The following ADK variants were observed in gnomAD, a reference collection of about 807,000 sequenced individuals.
ADK encodes the protein adenosine kinase, also known as N6,N6-dimethyladenosine kinase.
In ADK, 24 loss-of-function variants were observed where a neutral mutation model predicts 44.7. The ratio of observed to expected loss-of-function variants is 0.54; its 90% confidence interval spans 0.39 to 0.76. ADK has a LOEUF of 0.76. ADK is among the 30% of genes least tolerant of loss of function. The probability of loss-of-function intolerance (pLI) is 0.00; values close to 1 mark genes in which losing one functional copy is unlikely to be tolerated. For missense variants in ADK, 321 were observed against 425.1 expected (o/e 0.76, Z 2.15); for synonymous variants, 128 against 142.6 (o/e 0.90, Z 0.73).
chr10:74,497,898 T>C (rs1002605600), intron 6 of ADK, among the ~76,000 whole-genome samples: 3 of 151,408 alleles, frequency 2.0e-5, no homozygotes, highest in African/African-American at 7.3e-5. Flanking sequence ...TTTTTTTTTT[T>C]CTTTTTTTTG....
chr10:74,317,222 T>C (rs1400989608), intron 4 of ADK, among the ~76,000 whole-genome samples: 1 of 152,198 alleles, frequency 6.6e-6, no homozygotes, highest in Non-Finnish European at 1.5e-5. Flanking sequence ...ATGTAAATTT[T>C]GGTAAATTTC....
intron 6 of ADK, among the ~76,000 whole-genome samples, chr10:74,445,172 A>T (rs1255259148): frequency 6.6e-6 from 1 of 152,000 alleles, no homozygotes; most frequent in East Asian, 1.9e-4. Flanking sequence ...ATTCTCAAAC[A>T]AAATTTATAG....
At chr10:74,456,666 C>CA (rs71024510) in intron 6 of ADK, among the ~76,000 whole-genome samples, 2,946 of 62,116 alleles carry the variant, frequency 0.047, 95 homozygotes, top group African/African-American at 0.092. Context: ...GACTCCATCT[C>CA]AAAAAAAAAA....
At chr10:74,676,423 C>T (rs192210998) in intron 10 of ADK, among the ~76,000 whole-genome samples, 32 of 152,232 alleles carry the variant, frequency 2.1e-4, no homozygotes, top group African/African-American at 5.8e-4. Flanking sequence ...AGCCACTGCA[C>T]CTGGCCAGAA....
chr10:74,572,965 G>A (rs1490439000), intron 7 of ADK, among the ~76,000 whole-genome samples: 23 of 152,064 alleles, frequency 1.5e-4, no homozygotes, highest in East Asian at 1.9e-4. Context: ...CCTGTAGCTC[G>A]GAGTAGTTTG....
At chr10:74,688,990 C>T (rs904903342) in intron 10 of ADK, among the ~76,000 whole-genome samples, 1 of 151,916 alleles carries the variant, frequency 6.6e-6, no homozygotes, top group African/African-American at 2.4e-5. Context: ...TGGTGGCTCA[C>T]GCCTGTAATC....
At chr10:74,250,431 A>T (rs1845604734) in intron 3 of ADK, among the ~76,000 whole-genome samples, 1 of 152,174 alleles carries the variant, frequency 6.6e-6, no homozygotes. Context: ...TGGGTAAAAC[A>T]CTGGGTATGT....
At chr10:74,264,127 T>A (rs979477796) in intron 3 of ADK, among the ~76,000 whole-genome samples, 2 of 152,246 alleles carry the variant, frequency 1.3e-5, no homozygotes, top group Non-Finnish European at 2.9e-5. Context: ...ATATTGTGGA[T>A]ATGGAATCAT....
intron 4 of ADK, among the ~76,000 whole-genome samples, chr10:74,354,655 A>G (rs1403011671): frequency 1.3e-5 from 2 of 152,162 alleles, no homozygotes; most frequent in East Asian, 1.9e-4. Flanking sequence ...GTGGGAACTC[A>G]TGATGTGAAG....
chr10:74,584,567 G>C (rs1464994557), intron 7 of ADK, among the ~76,000 whole-genome samples: 1 of 152,070 alleles, frequency 6.6e-6, no homozygotes, highest in African/African-American at 2.4e-5. Flanking sequence ...TTATTATACA[G>C]AGATTTTTAT....
chr10:74,424,891 T>C (rs1844737526), intron 6 of ADK, among the ~76,000 whole-genome samples: 1 of 152,220 alleles, frequency 6.6e-6, no homozygotes, highest in Non-Finnish European at 1.5e-5. Flanking sequence ...TTTGATAAAC[T>C]CATTTCATTC....
intron 2 of ADK, among the ~76,000 whole-genome samples, chr10:74,210,410 C>A (rs1370697001): frequency 6.7e-6 from 1 of 150,096 alleles, no homozygotes; most frequent in Non-Finnish European, 1.5e-5. Flanking sequence ...TCTTACAGAT[C>A]TAAACCTTTA....
intron 7 of ADK, among the ~76,000 whole-genome samples, chr10:74,527,208 A>G (rs948326804): frequency 2.0e-5 from 3 of 152,172 alleles, no homozygotes; most frequent in African/African-American, 7.2e-5. Context: ...TAAAATACAA[A>G]AAATGAGCCA....
At chr10:74,276,924 C>CT (rs56710186) in intron 3 of ADK, among the ~76,000 whole-genome samples, 97 of 147,634 alleles carry the variant, frequency 6.6e-4, no homozygotes, top group African/African-American at 1.8e-3. Context: ...TTTCAAATAT[C>CT]TTTTTTTTTT....
intron 7 of ADK, among the ~76,000 whole-genome samples, chr10:74,553,190 GTTTTTTTTTTTTTTTTTTT>G (rs386371837): frequency 1.7e-5 from 1 of 60,418 alleles, no homozygotes; most frequent in Non-Finnish European, 3.0e-5. Flanking sequence ...AGCACATTGT[GTTTTTTTTTTTTTTTTTTT>G]TTTTTTTTTT....
intron 4 of ADK, among the ~76,000 whole-genome samples, chr10:74,334,140 C>T (rs1485150159): frequency 6.6e-6 from 1 of 152,100 alleles, no homozygotes; most frequent in African/African-American, 2.4e-5. Flanking sequence ...AAAACTTTCC[C>T]TGTGTCCCCT....
chr10:74,429,299 C>CTTTATG (rs1375693491), intron 6 of ADK, among the ~76,000 whole-genome samples: 1 of 152,160 alleles, frequency 6.6e-6, no homozygotes, highest in Non-Finnish European at 1.5e-5. Context: ...ATTGCATTGA[C>CTTTATG]TTTATGTCTC....
chr10:74,251,131 T>A (rs1289922410), intron 3 of ADK, among the ~76,000 whole-genome samples: 1 of 152,218 alleles, frequency 6.6e-6, no homozygotes, highest in African/African-American at 2.4e-5. Flanking sequence ...AGTGTCTGCA[T>A]AATTAAATGC....
chr10:74,294,411 C>T (rs1409392285), intron 3 of ADK, among the ~76,000 whole-genome samples: 4 of 151,950 alleles, frequency 2.6e-5, no homozygotes, highest in Non-Finnish European at 5.9e-5. Flanking sequence ...CTCAGCCTCC[C>T]AAGTAGCTGG....
Sources: allele counts gnomAD v4.1 joint callset (sites outside exome capture counted in the v4.1 genomes callset), GRCh38; gene constraint gnomAD v4.1.1; transcripts MANE v1.5; gene names NCBI Gene and HGNC (gene_info 2026-07-23, HGNC 2026-07-21).